Variants in ATP2C1 observed in about 807,000 individuals in gnomAD.
ATP2C1 encodes the protein calcium-transporting ATPase type 2C member 1.
Under a neutral mutation model 120.5 loss-of-function variants are expected in ATP2C1, and 31 were observed. That is an observed-to-expected ratio of 0.26 (90% CI 0.19 to 0.35). ATP2C1 has a LOEUF of 0.35. Ranked by LOEUF, ATP2C1 falls within the 10% of genes least tolerant of loss-of-function variation. The pLI, the probability that ATP2C1 is intolerant of heterozygous loss-of-function variation, is 1.00. For synonymous variants in ATP2C1, 351 were observed against 358.7 expected, an observed-to-expected ratio of 0.98 and a Z score of 0.24; for missense variants, 731 against 1,107.5, an observed-to-expected ratio of 0.66 and a Z score of 4.83.
At chr3:130,994,186 A>T in intron 22 of ATP2C1, 88 bp downstream of exon 22, 1 of 1,492,438 alleles carries the variant, frequency 6.7e-7, no homozygotes, top group Non-Finnish European at 9.3e-7. Flanking sequence ...CTGGAAAAGA[A>T]TTAGTATTTA....
intron 2 of ATP2C1, among the ~76,000 whole-genome samples, chr3:130,916,756 A>G (rs2058709188): frequency 6.6e-6 from 1 of 151,996 alleles, no homozygotes. Context: ...GCCACTCGAC[A>G]GCTCAATTTT....
Position 130,988,352 on chromosome 3 carries a change from AG to A in ATP2C1, c.1840-4597del, listed in dbSNP as rs571856066. On this transcript the variant is annotated intron_variant, in intron 20 of 27. Transcript: ENST00000510168. ...GCTGACCACAAATGTGACACTGAAA[AG>A]GAGGACTCATAAGAAGAGAAAAATA... is the stretch of plus-strand genomic sequence containing the variant. Among the ~76,000 whole-genome samples, 479 of 152,296 alleles carry A rather than the reference AG, an allele frequency of 3.1e-3. 1 individual carries two copies. Among genetic ancestry groups the A allele is most frequent in the Non-Finnish European group, 4.8e-3 (328 of 68,022 alleles).
chr3:130,962,715 T>TAAAAAAAAAAAAA (rs71133621), intron 12 of ATP2C1, among the ~76,000 whole-genome samples: 2 of 114,214 alleles, frequency 1.8e-5, no homozygotes, highest in Non-Finnish European at 3.6e-5. Flanking sequence ...ATGGAAGCAT[T>TAAAAAAAAAAAAA]AAAAAAAAAA....
rs138416016 is a variant in ATP2C1 at position 130,998,128 on chromosome 3, A to G, written c.2392-166A>G. Among the ~76,000 whole-genome samples, 7 of 152,184 alleles carry G rather than the reference A, an allele frequency of 4.6e-5. No homozygotes were observed. The East Asian group carries it at 1.4e-3, about 29-fold the overall frequency. On this transcript the variant is annotated intron_variant, in intron 25 of 27. Transcript: ENST00000510168. ...ACTTTTTATTATGTAGATTACAGCT[A>G]TTCACTAGGTGATTTATAGGAAATT...
intron 26 of ATP2C1, among the ~76,000 whole-genome samples, chr3:131,008,746 C>T (rs2063208430): frequency 6.6e-6 from 1 of 152,072 alleles, no homozygotes; most frequent in African/African-American, 2.4e-5. Context: ...AAGGAAGTAC[C>T]ATCAATTTTC....
In ATP2C1 at chr3:130,995,127, A is replaced by T. The variant is rs543064999; in HGVS notation, c.2058-916A>T. On this transcript the variant is annotated intron_variant, in intron 22 of 27. Transcript: ENST00000510168. Reference sequence around the variant, plus strand: ...AGCTTAGAGGAAGGTGAAGAAGATAATCATGGCTGGGCAGGGTACCTCATG... The same window carrying T: ...AGCTTAGAGGAAGGTGAAGAAGATATTCATGGCTGGGCAGGGTACCTCATG... Among the ~76,000 whole-genome samples the T allele has an allele frequency of 7.5e-4, 114 of 152,284 alleles. 1 individual carries two copies. The highest frequency in any genetic ancestry group is 2.7e-3 in the African/African-American group (112 of 41,552).
intron 2 of ATP2C1, among the ~76,000 whole-genome samples, chr3:130,898,562 A>G (rs2069845940): frequency 6.6e-6 from 1 of 152,174 alleles, no homozygotes; most frequent in South Asian, 2.1e-4. Flanking sequence ...GTTGAAACTA[A>G]AAGAGATTAT....
upstream of ATP2C1, among the ~76,000 whole-genome samples, chr3:130,892,569 A>G (rs969306373): frequency 2.0e-5 from 3 of 151,990 alleles, no homozygotes; most frequent in African/African-American, 7.3e-5. Context: ...AAAACCGTCC[A>G]GAATTTTCGA....
At chr3:130,997,477 A>C (rs2062681148) in intron 24 of ATP2C1, 129 bp from the exon 25 acceptor site, 2 of 846,950 alleles carry the variant, frequency 2.4e-6, no homozygotes, top group Non-Finnish European at 3.7e-6. Flanking sequence ...CCAGCGTTTT[A>C]TGATGCAACA....
At chr3:130,964,648 A>G (rs1249299110) in intron 13 of ATP2C1, among the ~76,000 whole-genome samples, 3 of 152,060 alleles carry the variant, frequency 2.0e-5, no homozygotes, top group Non-Finnish European at 4.4e-5. Flanking sequence ...AAACTCTCCA[A>G]ACTTTCTAGA....
At chr3:130,923,885 G>T (rs2059081775) in intron 2 of ATP2C1, among the ~76,000 whole-genome samples, 1 of 148,858 alleles carries the variant, frequency 6.7e-6, no homozygotes, top group Admixed American at 6.7e-5. Context: ...AAAAAAAAAG[G>T]ATAACTACCT....
chr3:130,894,542 C>T lies in ATP2C1; in HGVS notation c.-180-48C>T. On this transcript the variant is annotated intron_variant, in intron 1 of 27. Coordinates refer to ENST00000510168, the MANE Select transcript of ATP2C1 (RefSeq NM_001378687.1). This position sits in a 1 kb window ranked among gnomAD's most constrained non-coding sequence, Gnocchi z 4.5. ...CGAGATAGTGGCTGGGCGGGGAACTCCTTCCTCAGCCTCTCGTCAGCGCCG... is the reference window on the plus strand; with the variant it reads ...CGAGATAGTGGCTGGGCGGGGAACTTCTTCCTCAGCCTCTCGTCAGCGCCG... 2 of 1,401,392 alleles carry T rather than the reference C, an allele frequency of 1.4e-6. No homozygotes were observed. Among genetic ancestry groups the T allele is most frequent in the African/African-American group, 2.9e-5 (2 of 68,596 alleles). 86.8% of individuals were successfully genotyped at this position (1,401,392 alleles called of 1,614,324 possible).
At position 130,979,353 on chromosome 3, in the gene ATP2C1, C is replaced by T; in HGVS notation, c.1675C>T (p.Leu559Phe). 1.2e-5 allele frequency: 20 copies of T among 1,613,746 alleles called. No homozygotes were observed. The highest frequency in any genetic ancestry group is 1.7e-5 in the Non-Finnish European group (20 of 1,179,774). Residue 559 changes from leucine (L) to phenylalanine (F), a missense_variant, in exon 19 of 28, where the codon CTC becomes TTC. By Grantham distance (22) the Leu-to-Phe change is conservative. Transcript: ENST00000510168. ...RTGVKEAVTT[L>F]IASGVSIKMI... ...TGGTGTGAAAGAAGCTGTTACAACA[C>T]TCATTGCCTCAGGAGTATCAATAAA...
rs2069400983 is a variant in ATP2C1, at chr3:130,894,492, G to A, written c.-180-98G>A. ...GTTGCGGGCACACGACGGGGCGGGTGCGGGATCTTGGGGAGGGGGGCTCCC... is the reference window on the plus strand; with the variant it reads ...GTTGCGGGCACACGACGGGGCGGGTACGGGATCTTGGGGAGGGGGGCTCCC... On this transcript the variant is annotated intron_variant, in intron 1 of 27. Coordinates refer to ENST00000510168, the MANE Select transcript of ATP2C1 (RefSeq NM_001378687.1). This position sits in a 1 kb window ranked among gnomAD's most constrained non-coding sequence, Gnocchi z 4.5. The A allele has an allele frequency of 7.2e-7, 1 of 1,379,446 alleles. No individual in the cohort carries two copies. The highest frequency in any genetic ancestry group is 9.4e-7 in the Non-Finnish European group (1 of 1,065,966). 85.5% of individuals were successfully genotyped at this position (1,379,446 alleles called of 1,614,324 possible).
chr3:130,941,546 GA>G (rs1464992408), intron 7 of ATP2C1, 44 bp from the exon 8 acceptor site: 2 of 1,476,868 alleles, frequency 1.4e-6, no homozygotes, highest in Non-Finnish European at 1.9e-6. Context: ...CAAGTTGCAT[GA>G]ATTTTTTTTT....
At chr3:130,955,963 T>G in intron 10 of ATP2C1, 141 bp from the exon 11 acceptor site, 3 of 655,536 alleles carry the variant, frequency 4.6e-6, no homozygotes, top group Non-Finnish European at 5.6e-6. Context: ...GTTTTCTCAG[T>G]GAAGGTGATT....
intron 8 of ATP2C1, among the ~76,000 whole-genome samples, chr3:130,949,348 A>G (rs1290596399): frequency 6.6e-6 from 1 of 152,188 alleles, no homozygotes; most frequent in Non-Finnish European, 1.5e-5. Flanking sequence ...AGCAGCCACA[A>G]TATTTCCTTA....
At chr3:130,948,425 A>T (rs1269620779) in intron 8 of ATP2C1, among the ~76,000 whole-genome samples, 2 of 151,424 alleles carry the variant, frequency 1.3e-5, no homozygotes, top group African/African-American at 4.9e-5. Flanking sequence ...ATCTTAATGA[A>T]AATTCTGTTA....
chr3:130,869,286 T>G (rs2068336183), intron 1 of ATP2C1: 2 of 164,394 alleles, frequency 1.2e-5, no homozygotes, highest in Non-Finnish European at 2.5e-5. Flanking sequence ...ACACAAACAC[T>G]GCGGAAGGCC....
Sources: allele counts gnomAD v4.1 joint callset (sites outside exome capture counted in the v4.1 genomes callset), GRCh38; gene constraint gnomAD v4.1.1; non-coding constraint Gnocchi (gnomAD v3.1); transcripts MANE v1.5; gene names NCBI Gene and HGNC (gene_info 2026-07-23, HGNC 2026-07-21).